The following LARS2 variants were observed in gnomAD, a reference collection of about 807,000 sequenced individuals.
LARS2 encodes the protein leucine--tRNA ligase, mitochondrial.
LARS2 carries 81 observed loss-of-function variants against 116.6 expected under a neutral mutation model. The ratio of observed to expected loss-of-function variants is 0.69; its 90% CI spans 0.58 to 0.84. LARS2 has a LOEUF of 0.84. Among genes scored for constraint, LARS2 ranks in the 40% least tolerant of loss-of-function variants. The pLI, the probability that LARS2 is intolerant of heterozygous loss-of-function variation, is 0.00. For synonymous variants in LARS2, 396 were observed against 407.2 expected (o/e 0.97, Z 0.33); for missense variants, 968 against 1,114.5 (o/e 0.87, Z 1.87).
rs535028870 is a variant in LARS2 at position 45,435,369 on chromosome 3, C to T, written c.517-11522C>T. 5.5e-4 allele frequency among the ~76,000 whole-genome samples: 84 copies of T among 152,304 alleles called. 1 individual carries two copies. The highest frequency in any genetic ancestry group is 1.9e-3 in the African/African-American group (78 of 41,560). On this transcript the variant is annotated intron_variant, in intron 6 of 21. Transcript: ENST00000645846. The stretch of plus-strand genomic sequence containing the variant: ...CTCCTCAGCTTCCTGTGACACCACC[C>T]TGGTAAGGAGGTTTCAATGCCTTAT...
At chr3:45,445,481 C>T (rs562876684) in intron 6 of LARS2, among the ~76,000 whole-genome samples, 24 of 152,246 alleles carry the variant, frequency 1.6e-4, no homozygotes, top group South Asian at 4.1e-4. Context: ...TCTTTGTGCA[C>T]GACACCCCTG....
chr3:45,469,817 T>C (rs1553633124), intron 8 of LARS2, among the ~76,000 whole-genome samples: 1 of 149,790 alleles, frequency 6.7e-6, no homozygotes, highest in Non-Finnish European at 1.5e-5. Flanking sequence ...ATATTGTGCC[T>C]CCCCCCCCAC....
At chr3:45,435,756 A>C (rs1330946651) in intron 6 of LARS2, among the ~76,000 whole-genome samples, 2 of 152,170 alleles carry the variant, frequency 1.3e-5, no homozygotes, top group Admixed American at 1.3e-4. Context: ...AACAGGACTT[A>C]CCATTGTCAT....
chr3:45,524,423 A>G (rs1700504614), intron 20 of LARS2, among the ~76,000 whole-genome samples: 1 of 152,180 alleles, frequency 6.6e-6, no homozygotes, highest in Non-Finnish European at 1.5e-5. Context: ...GGTCTTTTTA[A>G]GATAAAAACT....
intron 6 of LARS2, among the ~76,000 whole-genome samples, chr3:45,445,413 G>T (rs1431573088): frequency 6.6e-6 from 1 of 152,244 alleles, no homozygotes; most frequent in African/African-American, 2.4e-5. Context: ...TGAATTTGGA[G>T]GTTTTGGGGA....
intron 15 of LARS2, among the ~76,000 whole-genome samples, chr3:45,511,878 A>G (rs1700297472): frequency 6.8e-6 from 1 of 148,020 alleles, no homozygotes; most frequent in Non-Finnish European, 1.5e-5. Flanking sequence ...CCTGGGCTCA[A>G]GCAACCCCTG....
chr3:45,402,929 A>G (rs1698177128), intron 4 of LARS2, among the ~76,000 whole-genome samples: 1 of 151,470 alleles, frequency 6.6e-6, no homozygotes, highest in African/African-American at 2.4e-5. Flanking sequence ...AACATGGAGA[A>G]ACCCCATCTC....
At chr3:45,510,980 ACT>A (rs1362467655) in intron 15 of LARS2, among the ~76,000 whole-genome samples, 1 of 152,150 alleles carries the variant, frequency 6.6e-6, no homozygotes, top group Non-Finnish European at 1.5e-5. Flanking sequence ...TCACATAATA[ACT>A]CTGTGCTTTC....
In LARS2 at chr3:45,492,187, T is replaced by C. The variant is rs1381276147; in HGVS notation, c.1523+387T>C. 2.6e-5 allele frequency among the ~76,000 whole-genome samples: 4 copies of C among 152,244 alleles called. No individual in the cohort carries two copies. In the East Asian group the frequency reaches 7.7e-4, roughly 29 times the overall value. On this transcript the variant is annotated intron_variant, in intron 13 of 21. Transcript: ENST00000645846. The stretch of plus-strand genomic sequence containing the variant: ...ATGTTCTCTTCTCCACCTTGCAGTT[T>C]TCCAATATAGTGACTGTAACAACAG...
At position 45,476,551 on chromosome 3, in the gene LARS2, C is replaced by G; in HGVS notation, c.942C>G (p.Ile314Met). The G allele has an allele frequency of 6.2e-7, 1 of 1,614,222 alleles. No homozygotes were observed. ...EAIYGTSHVA[I>M]SPSHRLLHGH... ...TTTATGGCACCTCCCACGTGGCCAT[C>G]TCGCCCAGCCACAGACTCCTACATG... is the stretch of plus-strand genomic sequence containing the variant. Residue 314 changes from isoleucine to methionine, a missense_variant, in exon 10 of 22, where the codon ATC (isoleucine) becomes ATG (methionine). Ile to Met is a conservative substitution (Grantham distance 10, BLOSUM62 1). Transcript: ENST00000645846.
chr3:45,459,599 G>T lies in LARS2; in HGVS notation c.750+713G>T, dbSNP rs1052568382. ...GCAAAACCAATCATTGAAAGCAGGG[G>T]CTTGCTTATTAAGTCACCAAGAGCC... On this transcript the variant is annotated intron_variant, in intron 8 of 21. Coordinates refer to ENST00000645846, the MANE Select transcript of LARS2 (RefSeq NM_015340.4). Among the ~76,000 whole-genome samples, 11 of 152,294 alleles carry T rather than the reference G, an allele frequency of 7.2e-5. No homozygotes were observed. The South Asian group carries it at 2.3e-3, about 32-fold the overall frequency.
At chr3:45,462,429 AAAAGAAAG>A (rs540327974) in intron 8 of LARS2, among the ~76,000 whole-genome samples, 10 of 144,910 alleles carry the variant, frequency 6.9e-5, no homozygotes, top group African/African-American at 2.1e-4. Context: ...CAAAAAAAAA[AAAAGAAAG>A]AAAGAAAGAA....
At chr3:45,476,215 A>T (rs527574852) in intron 9 of LARS2, among the ~76,000 whole-genome samples, 19 of 152,274 alleles carry the variant, frequency 1.2e-4, no homozygotes, top group African/African-American at 3.6e-4. Context: ...GCATTCTTGG[A>T]CCACCTTCAA....
intron 9 of LARS2, 130 bp downstream of exon 9, chr3:45,474,480 T>A: frequency 2.2e-6 from 1 of 445,328 alleles, no homozygotes; most frequent in Non-Finnish European, 4.0e-6. Flanking sequence ...TTAAATTTTC[T>A]AGTAGCCACA....
At chr3:45,534,640 A>G (rs1005529740) in intron 20 of LARS2, among the ~76,000 whole-genome samples, 2 of 152,200 alleles carry the variant, frequency 1.3e-5, no homozygotes, top group Non-Finnish European at 2.9e-5. Flanking sequence ...GTTCTCCCCA[A>G]AGAGCAACAG....
intron 4 of LARS2, among the ~76,000 whole-genome samples, chr3:45,411,243 G>A (rs1209577466): frequency 6.6e-6 from 1 of 152,128 alleles, no homozygotes; most frequent in East Asian, 1.9e-4. Flanking sequence ...GGCCCTGCCG[G>A]CATTTATTCA....
chr3:45,413,598 T>G (rs1412761007), intron 4 of LARS2, among the ~76,000 whole-genome samples: 1 of 152,224 alleles, frequency 6.6e-6, no homozygotes, highest in Non-Finnish European at 1.5e-5. Context: ...GAACAAGCCT[T>G]GGTTAGCATT....
At chr3:45,474,209 C>A in intron 8 of LARS2, 34 bp from the exon 9 acceptor site, 1 of 1,366,708 alleles carries the variant, frequency 7.3e-7, no homozygotes, top group Non-Finnish European at 1.0e-6. Context: ...AAGCCTTGTG[C>A]CTCTACTTCT....
intron 9 of LARS2, 99 bp from the exon 10 acceptor site, chr3:45,476,369 T>G (rs1699608806): frequency 1.6e-6 from 2 of 1,273,612 alleles, no homozygotes; most frequent in African/African-American, 1.5e-5. Flanking sequence ...TGGTCACTGT[T>G]GGGGAATGAG....
Sources: gnomAD v4.1 joint callset for allele counts (sites outside exome capture counted in the v4.1 genomes callset) on GRCh38, gnomAD v4.1.1 for gene constraint, MANE v1.5 for transcripts, NCBI Gene and HGNC (gene_info 2026-07-23, HGNC 2026-07-21) for gene names.